KMT2E: variants seen among roughly 807,000 people sequenced by gnomAD.
KMT2E encodes the protein histone reader KMT2E.
A neutral mutation model predicts 184.6 loss-of-function variants in KMT2E; 30 were observed. The observed-to-expected ratio is 0.16, with a 90% CI of 0.12 to 0.22. The LOEUF (loss-of-function observed/expected upper bound fraction) is 0.22, where lower values mean the gene tolerates loss of function less well. Among genes scored for constraint, KMT2E ranks in the 10% least tolerant of loss-of-function variants. KMT2E has a pLI of 1.00. For synonymous variants in KMT2E, 815 were observed against 776.5 expected, an observed-to-expected ratio of 1.05 and a Z score of -0.82; for missense variants, 2,023 against 2,237.4, an observed-to-expected ratio of 0.90 and a Z score of 1.93.
Position 105,040,840 on chromosome 7 carries a change from G to T in KMT2E, c.-113G>T. The T allele has an allele frequency of 3.3e-6, 2 of 612,654 alleles. No individual in the cohort carries two copies. The highest frequency in any genetic ancestry group is 3.7e-5 in the African/African-American group (2 of 54,426). 38.0% of individuals were successfully genotyped at this position (612,654 alleles called of 1,614,324 possible). ...TTTGTCTCCTTTTCTTTTAAACAGG[G>T]TTTGTGGATGCACTTAGATGTTTGC... On this transcript the variant is annotated splice_region_variant and 5_prime_UTR_variant, in exon 3 of 27. Coordinates refer to ENST00000311117, the MANE Select transcript of KMT2E (RefSeq NM_182931.3).
At chr7:105,081,119 C>A (rs1276959761) in intron 12 of KMT2E, among the ~76,000 whole-genome samples, 1 of 143,986 alleles carries the variant, frequency 6.9e-6, no homozygotes, top group Non-Finnish European at 1.5e-5. Flanking sequence ...CGGTGGCTCA[C>A]GCCTGTAATC....
At chr7:105,090,353 G>A in intron 14 of KMT2E, 80 bp downstream of exon 14, 2 of 1,439,870 alleles carry the variant, frequency 1.4e-6, no homozygotes, top group Non-Finnish European at 1.9e-6. Flanking sequence ...TTTGTTCTAT[G>A]TATAATTGTT....
intron 7 of KMT2E, among the ~76,000 whole-genome samples, chr7:105,074,323 A>G (rs1413086166): frequency 1.3e-5 from 2 of 152,186 alleles, no homozygotes; most frequent in Non-Finnish European, 2.9e-5. Flanking sequence ...AGGTATGTAC[A>G]TATATAATTT....
At chr7:105,102,344 A>C in intron 17 of KMT2E, 150 bp downstream of exon 17, 1 of 570,182 alleles carries the variant, frequency 1.8e-6, no homozygotes, top group Admixed American at 3.9e-5. Context: ...GAGAATTCCA[A>C]AACTGTAAAA....
At chr7:105,034,467 C>G (rs951715815) in intron 1 of KMT2E, among the ~76,000 whole-genome samples, 4 of 152,088 alleles carry the variant, frequency 2.6e-5, no homozygotes, top group African/African-American at 9.7e-5. Flanking sequence ...CCTGGCCTCA[C>G]GTGATCCTTC....
intron 10 of KMT2E, 41 bp from the exon 11 acceptor site, chr7:105,077,262 C>G: frequency 6.2e-7 from 1 of 1,600,872 alleles, no homozygotes; most frequent in Non-Finnish European, 8.5e-7. Context: ...AAACTGAAAA[C>G]AAGCAAGTTT....
Position 105,110,859 on chromosome 7 carries a change from A to G in KMT2E, c.4059A>G (p.Lys1353=), listed in dbSNP as rs1395834245. ...AAAATACTTGTAAAAGTCCTCCAAA[A>G]ATGAGCAAGGTAATAACATTGACCT... The part of the protein sequence containing the change: ...TSQNTCKSPP[K]MSKPGSPGSV... The change falls in exon 26 of 27, where the codon AAA becomes AAG. Residue 1353 remains lysine (K), a synonymous_variant. Transcript: ENST00000311117. 1 of 1,611,318 alleles carries G rather than the reference A, an allele frequency of 6.2e-7. No homozygotes were observed. The highest frequency in any genetic ancestry group is 1.7e-5 in the Admixed American group (1 of 60,018).
At chr7:105,096,842 G>A (rs1033449535) in intron 15 of KMT2E, among the ~76,000 whole-genome samples, 1 of 152,112 alleles carries the variant, frequency 6.6e-6, no homozygotes, top group African/African-American at 2.4e-5. Context: ...CAATTTTCTC[G>A]GCTTTCATCC....
In KMT2E at chr7:105,112,918, C is replaced by T. The variant is rs750811471; in HGVS notation, c.5162C>T (p.Pro1721Leu). 44 of 1,613,624 alleles carry T rather than the reference C, an allele frequency of 2.7e-5. No homozygotes were observed. Among genetic ancestry groups the T allele is most frequent in the Middle Eastern group, 1.6e-4 (1 of 6,084 alleles). The change falls in exon 27 of 27, where the codon CCG becomes CTG. Residue 1721 changes from proline (P) to leucine (L), a missense_variant. This residue lies in a region of KMT2E where 1,108 missense variants were observed against 1,050.9 expected (regional missense o/e 1.05). Coordinates refer to ENST00000311117, the MANE Select transcript of KMT2E (RefSeq NM_182931.3). ...TCAGCACCCCCACCACCCCCTCCGC[C>T]GCCACCTTCCAGTGTTTTGGCTTCT... Reference protein sequence around the residue: ...VNSAPPPPPPPPPSSVLASGH... With the variant: ...VNSAPPPPPPLPPSSVLASGH...
intron 26 of KMT2E, 127 bp from the exon 27 acceptor site, chr7:105,111,698 T>C: frequency 9.1e-7 from 1 of 1,099,912 alleles, no homozygotes; most frequent in Non-Finnish European, 1.3e-6. Context: ...ATAATTGACG[T>C]ATCCAGGATG....
At chr7:105,082,332 C>A (rs1361187533) in intron 13 of KMT2E, among the ~76,000 whole-genome samples, 1 of 152,168 alleles carries the variant, frequency 6.6e-6, no homozygotes, top group African/African-American at 2.4e-5. Flanking sequence ...CAACTGCCTG[C>A]ACAGTCCACA....
At chr7:105,062,400 A>G (rs1258845310) in intron 4 of KMT2E, 122 bp downstream of exon 4, 1 of 551,380 alleles carries the variant, frequency 1.8e-6, no homozygotes, top group Non-Finnish European at 3.1e-6. Context: ...CTATCAAAAT[A>G]ATTAGGCGTT....
intron 15 of KMT2E, among the ~76,000 whole-genome samples, chr7:105,093,410 G>A (rs1014341724): frequency 2.0e-5 from 3 of 152,114 alleles, no homozygotes; most frequent in Admixed American, 6.5e-5. Flanking sequence ...TGCTGGGCGC[G>A]GTGGCTCACG....
chr7:105,094,558 G>C (rs192781408), intron 15 of KMT2E, among the ~76,000 whole-genome samples: 7 of 152,226 alleles, frequency 4.6e-5, no homozygotes, highest in African/African-American at 1.7e-4. Context: ...AAAAGTTCTG[G>C]ATTTCAGAGC....
At position 105,069,477 on chromosome 7, in the gene KMT2E, C is replaced by T. The variant is rs576007007; in HGVS notation, c.497+2670C>T. On this transcript the variant is annotated intron_variant, in intron 6 of 26. Transcript: ENST00000311117. ...ATTGTGTAAAACAGTTTAGAACTTT[C>T]CCCCCATAGGGCATAGTGTACGAGG... is the stretch of plus-strand genomic sequence containing the variant. Among the ~76,000 whole-genome samples, 68 of 150,346 alleles carry T rather than the reference C, an allele frequency of 4.5e-4. No homozygotes were observed. The South Asian group carries it at 9.6e-3, about 21-fold the overall frequency.
chr7:105,063,332 T>C lies in KMT2E; in HGVS notation c.187-19T>C, dbSNP rs1165041889. 6.6e-7 allele frequency: 1 copy of C among 1,507,860 alleles called. No individual in the cohort carries two copies. The highest frequency in any genetic ancestry group is 1.2e-5 in the South Asian group (1 of 83,108). The allele number at this position is 1,507,860 out of a possible 1,614,324, so 93.4% of individuals were successfully genotyped here. ...TGAAATTAAATAATATTGTGCTATA[T>C]TTGTGTTTAATTATTCAGGACCATA... On this transcript the variant is annotated intron_variant, in intron 4 of 26. Transcript: ENST00000311117.
chr7:105,032,096 A>AAC (rs1795447818), intron 1 of KMT2E, among the ~76,000 whole-genome samples: 1 of 133,012 alleles, frequency 7.5e-6, no homozygotes, highest in Non-Finnish European at 1.6e-5. Context: ...AAAAAAAAAA[A>AAC]GGCTAAAAAG....
chr7:105,029,968 CAAT>C (rs1474237113), intron 1 of KMT2E, among the ~76,000 whole-genome samples: 1 of 152,062 alleles, frequency 6.6e-6, no homozygotes, highest in African/African-American at 2.4e-5. Context: ...GTGGTTTAAT[CAAT>C]AATAATTTAG....
chr7:105,070,626 G>A (rs938042196), intron 6 of KMT2E, among the ~76,000 whole-genome samples: 2 of 106,498 alleles, frequency 1.9e-5, no homozygotes, highest in African/African-American at 8.5e-5. Context: ...GAGCGGGACT[G>A]TGTCTCAAAA....
Sources: allele counts gnomAD v4.1 joint callset (sites outside exome capture counted in the v4.1 genomes callset), GRCh38; gene constraint gnomAD v4.1.1; regional missense constraint gnomAD v4.1.1; transcripts MANE v1.5; gene names NCBI Gene and HGNC (gene_info 2026-07-23, HGNC 2026-07-21).